Variants in KCNIP4 observed in about 807,000 individuals in gnomAD.
KCNIP4 encodes potassium voltage-gated channel interacting protein 4.
A neutral mutation model predicts 34.0 loss-of-function variants in KCNIP4; 12 were observed. That is an observed-to-expected ratio of 0.35 (90% CI 0.23 to 0.57). KCNIP4 has a LOEUF of 0.57. Ranked by LOEUF, KCNIP4 falls within the 20% of genes least tolerant of loss-of-function variation. KCNIP4 has a pLI of 0.83. For synonymous variants in KCNIP4, 124 were observed against 102.2 expected (o/e 1.21, Z -1.29); for missense variants, 238 against 311.7 (o/e 0.76, Z 1.78).
intron 1 of KCNIP4, among the ~76,000 whole-genome samples, chr4:21,628,941 T>C (rs114436359): frequency 2.2e-3 from 342 of 152,140 alleles, no homozygotes; most frequent in African/African-American, 7.9e-3. Context: ...ATTTCACAAA[T>C]ATGTGGTTTT....
chr4:21,463,059 A>G (rs375176968), intron 1 of KCNIP4, among the ~76,000 whole-genome samples: 5 of 151,996 alleles, frequency 3.3e-5, no homozygotes, highest in African/African-American at 1.2e-4. Flanking sequence ...ATCATAAGGT[A>G]GTCCCAGTTT....
intron 1 of KCNIP4, among the ~76,000 whole-genome samples, chr4:21,391,222 C>G (rs1722529735): frequency 6.6e-6 from 1 of 152,030 alleles, no homozygotes; most frequent in African/African-American, 2.4e-5. Flanking sequence ...CTACTATGTT[C>G]CAAATACTTT....
At chr4:21,451,910 T>C (rs2109745482) in intron 1 of KCNIP4, among the ~76,000 whole-genome samples, 1 of 152,294 alleles carries the variant, frequency 6.6e-6, no homozygotes, top group East Asian at 1.9e-4. Context: ...TTAGGACATC[T>C]GAACATTCAA....
At chr4:21,742,406 C>A (rs17497642) in intron 1 of KCNIP4, among the ~76,000 whole-genome samples, 1 of 152,300 alleles carries the variant, frequency 6.6e-6, no homozygotes, top group South Asian at 2.1e-4. Context: ...TGCGATTTAG[C>A]TCCCTACATG....
chr4:21,093,456 C>T (rs1253763402), intron 1 of KCNIP4, among the ~76,000 whole-genome samples: 1 of 152,036 alleles, frequency 6.6e-6, no homozygotes, highest in African/African-American at 2.4e-5. Context: ...AACACTGTGC[C>T]CCAGGATGAC....
intron 1 of KCNIP4, among the ~76,000 whole-genome samples, chr4:21,659,322 T>A (rs906125019): frequency 6.6e-6 from 1 of 152,198 alleles, no homozygotes; most frequent in Non-Finnish European, 1.5e-5. Context: ...CATAAATTTT[T>A]AAAATCTTAC....
chr4:21,449,279 A>C (rs1728306845), intron 1 of KCNIP4, among the ~76,000 whole-genome samples: 1 of 152,172 alleles, frequency 6.6e-6, no homozygotes, highest in Non-Finnish European at 1.5e-5. Flanking sequence ...GCCTATAACC[A>C]TTATCTTATG....
chr4:21,079,849 A>G (rs1745847943), intron 1 of KCNIP4, among the ~76,000 whole-genome samples: 1 of 151,806 alleles, frequency 6.6e-6, no homozygotes, highest in Non-Finnish European at 1.5e-5. Context: ...TGCAACTGCT[A>G]GATTTGAACA....
At chr4:21,524,045 G>A (rs1450928020) in intron 1 of KCNIP4, among the ~76,000 whole-genome samples, 1 of 152,084 alleles carries the variant, frequency 6.6e-6, no homozygotes, top group Non-Finnish European at 1.5e-5. Context: ...AGGGGCTCAG[G>A]TTTGGTATGA....
rs528429154 is a variant in KCNIP4, at chr4:21,475,152, A to G, written c.61+473419T>C. 3.9e-5 allele frequency among the ~76,000 whole-genome samples: 6 copies of G among 152,174 alleles called. No individual in the cohort carries two copies. The South Asian group carries it at 1.2e-3, about 31-fold the overall frequency. On this transcript the variant is annotated intron_variant, in intron 1 of 8. Coordinates refer to ENST00000382152, the MANE Select transcript of KCNIP4 (RefSeq NM_025221.6). ...AACATATTTTTATTAGGAGTTTAACAGGCCAATATATTCTTTCTAAAATAC... is the reference window on the plus strand; with the variant it reads ...AACATATTTTTATTAGGAGTTTAACGGGCCAATATATTCTTTCTAAAATAC...
chr4:21,193,302 T>C (rs1368336290), intron 1 of KCNIP4, among the ~76,000 whole-genome samples: 1 of 152,170 alleles, frequency 6.6e-6, no homozygotes, highest in African/African-American at 2.4e-5. Flanking sequence ...AAGCTTTCTT[T>C]GTGTCACAGC....
rs190943221 is a variant in KCNIP4 at position 20,848,331 on chromosome 4, T to C, written c.288+2212A>G. Among the ~76,000 whole-genome samples the C allele has an allele frequency of 8.1e-5, 12 of 148,990 alleles. No homozygotes were observed. In the East Asian group the frequency reaches 2.4e-3, roughly 29 times the overall value. On this transcript the variant is annotated intron_variant, in intron 3 of 8. Coordinates refer to ENST00000382152, the MANE Select transcript of KCNIP4 (RefSeq NM_025221.6). ...GGAAGAGCTGAAAGGAGACAATAAT[T>C]CACAAGGGGAAGAGACAGAAGAGGT...
intron 1 of KCNIP4, among the ~76,000 whole-genome samples, chr4:20,970,862 A>T (rs1162595625): frequency 6.6e-6 from 1 of 152,184 alleles, no homozygotes; most frequent in African/African-American, 2.4e-5. Flanking sequence ...CCCACAGGGC[A>T]TTGAGGATGG....
chr4:20,830,811 G>C (rs1341466030), intron 3 of KCNIP4, among the ~76,000 whole-genome samples: 1 of 152,196 alleles, frequency 6.6e-6, no homozygotes, highest in African/African-American at 2.4e-5. Flanking sequence ...AACTCAGTAG[G>C]TATGTGTGAA....
At chr4:21,861,325 G>A (rs1439776958) in intron 1 of KCNIP4, among the ~76,000 whole-genome samples, 1 of 152,108 alleles carries the variant, frequency 6.6e-6, no homozygotes, top group Admixed American at 6.5e-5. Flanking sequence ...AAACCTTGGA[G>A]TCATCTTTGT....
chr4:21,157,616 A>G (rs1753238737), intron 1 of KCNIP4, among the ~76,000 whole-genome samples: 1 of 152,174 alleles, frequency 6.6e-6, no homozygotes, highest in Non-Finnish European at 1.5e-5. Context: ...TGAGATTGGA[A>G]AATATTTTAA....
At chr4:21,506,577 C>T (rs1733860864) in intron 1 of KCNIP4, among the ~76,000 whole-genome samples, 1 of 152,160 alleles carries the variant, frequency 6.6e-6, no homozygotes, top group African/African-American at 2.4e-5. Context: ...CATTCATGTT[C>T]CAACATGTTC....
At chr4:21,410,523 C>T (rs186778025) in intron 1 of KCNIP4, among the ~76,000 whole-genome samples, 149 of 152,180 alleles carry the variant, frequency 9.8e-4, no homozygotes, top group African/African-American at 3.5e-3. Context: ...CATAGTAGAA[C>T]GGAGGCCGCC....
chr4:21,732,371 T>C (rs1715671441), intron 1 of KCNIP4, among the ~76,000 whole-genome samples: 1 of 152,152 alleles, frequency 6.6e-6, no homozygotes, highest in African/African-American at 2.4e-5. Context: ...TGATTGCCCA[T>C]CTCTCCTTAA....
Sources: allele counts gnomAD v4.1 joint callset (sites outside exome capture counted in the v4.1 genomes callset), GRCh38; gene constraint gnomAD v4.1.1; transcripts MANE v1.5; gene names NCBI Gene and HGNC (gene_info 2026-07-23, HGNC 2026-07-21).